The following SCMH1 variants were observed in gnomAD, a reference collection of about 807,000 sequenced individuals.
The protein encoded by SCMH1 is Scm polycomb group protein homolog 1.
A neutral mutation model predicts 70.8 loss-of-function variants in SCMH1; 37 were observed. The ratio of observed to expected loss-of-function variants is 0.52; its 90% CI spans 0.40 to 0.69. The LOEUF is 0.69. SCMH1 is among the 30% of genes least tolerant of loss of function. SCMH1 has a pLI of 0.00. For synonymous variants in SCMH1, 292 were observed against 307.4 expected (o/e 0.95, Z 0.52); for missense variants, 607 against 827.3 (o/e 0.73, Z 3.27).
intron 8 of SCMH1, among the ~76,000 whole-genome samples, chr1:41,108,207 C>T (rs891494682): frequency 6.6e-6 from 1 of 152,094 alleles, no homozygotes; most frequent in Non-Finnish European, 1.5e-5. Context: ...GCAGACAGAT[C>T]CAGTTTAACA....
chr1:41,236,996 A>AG (rs1388373659), intron 1 of SCMH1, among the ~76,000 whole-genome samples: 3 of 152,354 alleles, frequency 2.0e-5, no homozygotes, highest in African/African-American at 7.2e-5. Context: ...CCTCATTCAC[A>AG]GATGGGGAGA....
chr1:41,050,960 A>G (rs1647905992), intron 10 of SCMH1, among the ~76,000 whole-genome samples: 1 of 152,210 alleles, frequency 6.6e-6, no homozygotes, highest in Non-Finnish European at 1.5e-5. Flanking sequence ...GCAGGAATCC[A>G]GAGAGATAAG....
chr1:41,077,927 T>C (rs377400262), intron 8 of SCMH1, among the ~76,000 whole-genome samples: 2 of 151,754 alleles, frequency 1.3e-5, no homozygotes, highest in African/African-American at 4.8e-5. Context: ...ATACAGGCAA[T>C]AGAAAGAGAC....
intron 11 of SCMH1, 52 bp downstream of exon 11, chr1:41,048,638 G>A (rs1647128009): frequency 2.0e-6 from 3 of 1,511,028 alleles, no homozygotes; most frequent in Non-Finnish European, 2.7e-6. Flanking sequence ...TCAACCAGTT[G>A]AGAAGGTGGG....
chr1:41,194,519 C>G (rs1267800839), intron 1 of SCMH1, among the ~76,000 whole-genome samples: 5 of 152,222 alleles, frequency 3.3e-5, no homozygotes, highest in Admixed American at 3.3e-4. Context: ...CAGGGCTTCT[C>G]AAGGGCAGCA....
chr1:41,037,608 G>C (rs1047136616), intron 12 of SCMH1, 67 bp from the exon 13 acceptor site: 1 of 1,415,038 alleles, frequency 7.1e-7, no homozygotes, highest in African/African-American at 1.4e-5. Flanking sequence ...CCAGATACCT[G>C]TTTGAGTGGA....
At chr1:41,147,055 C>G (rs1167986050) in intron 5 of SCMH1, among the ~76,000 whole-genome samples, 2 of 152,102 alleles carry the variant, frequency 1.3e-5, no homozygotes, top group Non-Finnish European at 2.9e-5. Context: ...ACATCTTTGC[C>G]ACTATTTAAT....
At chr1:41,114,637 C>CTTTTCCACTT (rs1670000172) in intron 7 of SCMH1, among the ~76,000 whole-genome samples, 1 of 150,624 alleles carries the variant, frequency 6.6e-6, no homozygotes, top group Admixed American at 6.7e-5. Flanking sequence ...ACATGATAGT[C>CTTTTCCACTT]TTTTCCACTT....
chr1:41,180,413 G>A (rs1365675594), intron 2 of SCMH1, among the ~76,000 whole-genome samples: 2 of 152,286 alleles, frequency 1.3e-5, no homozygotes, highest in Admixed American at 6.5e-5. Flanking sequence ...TAGGAAAAGA[G>A]GAAGTCAAAT....
At chr1:41,086,898 A>C (rs1661850338) in intron 8 of SCMH1, among the ~76,000 whole-genome samples, 1 of 149,802 alleles carries the variant, frequency 6.7e-6, no homozygotes, top group Admixed American at 6.7e-5. Context: ...CAAAAAAAAA[A>C]AAAAAACCCC....
At chr1:41,187,748 C>A (rs968974474) in intron 1 of SCMH1, among the ~76,000 whole-genome samples, 12 of 149,776 alleles carry the variant, frequency 8.0e-5, no homozygotes, top group Non-Finnish European at 1.6e-4. Flanking sequence ...CCAGCCTGGA[C>A]AACACAGTGA....
chr1:41,078,226 T>C (rs1339941298), intron 8 of SCMH1, among the ~76,000 whole-genome samples: 1 of 152,032 alleles, frequency 6.6e-6, no homozygotes, highest in Non-Finnish European at 1.5e-5. Flanking sequence ...TGAAAAAATA[T>C]ATTAGAGCAT....
intron 1 of SCMH1, among the ~76,000 whole-genome samples, chr1:41,197,034 A>G (rs1653187272): frequency 6.6e-6 from 1 of 152,204 alleles, no homozygotes; most frequent in Non-Finnish European, 1.5e-5. Context: ...TGTTATGAAA[A>G]AAGAAAAATA....
At chr1:41,205,235 G>C (rs34216154) in intron 1 of SCMH1, among the ~76,000 whole-genome samples, 3 of 152,234 alleles carry the variant, frequency 2.0e-5, no homozygotes, top group East Asian at 3.9e-4. Context: ...GAAGCATGAC[G>C]GGGCATCACC....
intron 1 of SCMH1, among the ~76,000 whole-genome samples, chr1:41,237,505 G>A (rs893982316): frequency 2.0e-5 from 3 of 152,168 alleles, no homozygotes; most frequent in Non-Finnish European, 4.4e-5. Context: ...GACATCCAAT[G>A]TGTGGCTCCC....
At chr1:41,167,907 G>GTTTTTTTTTTTTTTTTTT (rs202043541) in intron 2 of SCMH1, among the ~76,000 whole-genome samples, 1 of 49,706 alleles carries the variant, frequency 2.0e-5, no homozygotes, top group Admixed American at 2.6e-4. Flanking sequence ...TGCTGGCAGT[G>GTTTTTTTTTTTTTTTTTT]TTTTGTTTTT....
chr1:41,081,075 T>C (rs1198671319), intron 8 of SCMH1, among the ~76,000 whole-genome samples: 1 of 152,230 alleles, frequency 6.6e-6, no homozygotes, highest in South Asian at 2.1e-4. Flanking sequence ...GATACAAATC[T>C]AATATTTAAA....
chr1:41,224,833 G>A (rs578081722), intron 1 of SCMH1, among the ~76,000 whole-genome samples: 1 of 152,108 alleles, frequency 6.6e-6, no homozygotes, highest in African/African-American at 2.4e-5. Flanking sequence ...AGGGTACATA[G>A]GACAAATGTC....
exon 15 of SCMH1, chr1:41,027,620 C>T (rs1643957283): frequency 6.6e-6 from 1 of 152,592 alleles, no homozygotes; most frequent in Non-Finnish European, 1.5e-5. Context: ...GGGGCCACGC[C>T]TATCTGCAGA....
Sources: gnomAD v4.1 joint callset for allele counts (sites outside exome capture counted in the v4.1 genomes callset) on GRCh38, gnomAD v4.1.1 for gene constraint, MANE v1.5 for transcripts, NCBI Gene and HGNC (gene_info 2026-07-23, HGNC 2026-07-21) for gene names.